Variants in RIPOR3 observed in about 807,000 individuals in gnomAD.
RIPOR3 encodes the protein family with sequence similarity 65 member C.
RIPOR3 carries 95 observed loss-of-function variants against 114.3 expected under a neutral mutation model. The ratio of observed to expected loss-of-function variants is 0.83; its 90% CI spans 0.70 to 0.99. The LOEUF is 0.99. Ranked by LOEUF, RIPOR3 falls within the 50% of genes least tolerant of loss-of-function variation. The pLI is 0.00. For synonymous variants in RIPOR3, 575 were observed against 543.8 expected, an observed-to-expected ratio of 1.06 and a Z score of -0.80; for missense variants, 1,252 against 1,266.9, an observed-to-expected ratio of 0.99 and a Z score of 0.18.
At chr20:50,647,972 T>A (rs1412818785) in intron 1 of RIPOR3, among the ~76,000 whole-genome samples, 1 of 152,026 alleles carries the variant, frequency 6.6e-6, no homozygotes, top group Admixed American at 6.6e-5. Flanking sequence ...TTTGTGCTGC[T>A]AAGGTTAAAA....
intron 1 of RIPOR3, among the ~76,000 whole-genome samples, chr20:50,675,939 C>A (rs972182899): frequency 6.6e-5 from 10 of 152,186 alleles, no homozygotes; most frequent in African/African-American, 2.4e-4. Flanking sequence ...CTTAAATATC[C>A]TCAGACAATC....
intron 2 of RIPOR3, among the ~76,000 whole-genome samples, chr20:50,623,900 G>A (rs902006056): frequency 2.0e-5 from 3 of 152,160 alleles, no homozygotes; most frequent in South Asian, 2.1e-4. Flanking sequence ...GCAGTGGCAC[G>A]ATCTCTGCTC....
In RIPOR3 at chr20:50,608,526, C is replaced by T. The variant is rs1431852363; in HGVS notation, c.819G>A (p.Glu273=). 6.2e-7 allele frequency: 1 copy of T among 1,613,850 alleles called. No individual in the cohort carries two copies. Among genetic ancestry groups the T allele is most frequent in the East Asian group, 2.2e-5 (1 of 44,880 alleles). The part of the protein sequence containing the change: ...LHENLDIKVT[E]LRGLGSLAVG... The stretch of plus-strand genomic sequence containing the variant: ...CAGCCAGCGAGCCCAGGCCCCGCAA[C>T]TCCGTCACCTGGGGGTGGGGGCTGG... The change falls in exon 11 of 22, where the codon GAG becomes GAA. Residue 273 remains glutamate (E), a synonymous_variant. Transcript: ENST00000327979.
At chr20:50,630,496 G>C (rs1424892912) in intron 2 of RIPOR3, among the ~76,000 whole-genome samples, 1 of 152,064 alleles carries the variant, frequency 6.6e-6, no homozygotes, top group Non-Finnish European at 1.5e-5. Flanking sequence ...AATGATAACT[G>C]TTCAGGTTTC....
rs947902265 is a variant in RIPOR3 at position 50,688,626 on chromosome 20, C to A, written c.3+2500G>T. ...ACACCTCTGTCTGGGGACAACATGG[C>A]AAAGAATATCACCGAACTGAGGAGG... is the stretch of plus-strand genomic sequence containing the variant. On this transcript the variant is annotated intron_variant, in intron 1 of 21. Coordinates refer to ENST00000327979, the MANE Select transcript of RIPOR3 (RefSeq NM_001290268.2). 5.3e-5 allele frequency among the ~76,000 whole-genome samples: 8 copies of A among 152,180 alleles called. No individual in the cohort carries two copies. The East Asian group carries it at 5.8e-4, about 11-fold the overall frequency.
intron 1 of RIPOR3, among the ~76,000 whole-genome samples, chr20:50,648,579 T>C (rs2085498163): frequency 6.6e-6 from 1 of 152,096 alleles, no homozygotes. Context: ...GTGCACTTTA[T>C]TTCTACTACT....
At position 50,602,559 on chromosome 20, in the gene RIPOR3, T is replaced by A; in HGVS notation, c.1172A>T (p.Asp391Val). ...GCTTCTTAGGCTGGGACCCCGGAGG[T>A]CGCTGTCAGACAGGTAGCTGAGGAT... ...TSILSYLSDS[D>V]LRGPSLRSQS... Residue 391 changes from aspartate (D) to valine (V), a missense_variant, in exon 13 of 22, where the codon GAC becomes GTC. By Grantham distance (152) the Asp-to-Val change is radical. Transcript: ENST00000327979. This position sits in a 1 kb window ranked among gnomAD's most constrained non-coding sequence, Gnocchi z 4.3. 3 of 1,541,556 alleles carry A rather than the reference T, an allele frequency of 1.9e-6. No homozygotes were observed. The South Asian group carries it at 3.7e-5, about 19-fold the overall frequency.
At chr20:50,617,858 G>A (rs1040663057) in intron 3 of RIPOR3, among the ~76,000 whole-genome samples, 6 of 151,802 alleles carry the variant, frequency 4.0e-5, no homozygotes, top group Non-Finnish European at 5.9e-5. Context: ...TCCTGAATTC[G>A]TGATCCGCCT....
chr20:50,587,977 T>TCCTA, intron 20 of RIPOR3, 85 bp from the exon 21 acceptor site: 1 of 1,286,438 alleles, frequency 7.8e-7, no homozygotes, highest in South Asian at 1.3e-5. Context: ...GCAGGGCCAG[T>TCCTA]CCTAGCATGG....
chr20:50,686,840 G>A (rs553412668), intron 1 of RIPOR3, among the ~76,000 whole-genome samples: 37 of 152,234 alleles, frequency 2.4e-4, no homozygotes, highest in Admixed American at 1.8e-3. Flanking sequence ...TTGTATTGCA[G>A]TTGCGTTTCT....
Position 50,684,242 on chromosome 20 carries a change from A to C in RIPOR3, c.3+6884T>G, listed in dbSNP as rs76851235. On this transcript the variant is annotated intron_variant, in intron 1 of 21. Coordinates refer to ENST00000327979, the MANE Select transcript of RIPOR3 (RefSeq NM_001290268.2). ...AAGACCAGGGAGTGAAGGAAGCTGT[A>C]ATTTTAAATGGAGAGTCAGGATGGC... Among the ~76,000 whole-genome samples, 115 of 152,312 alleles carry C rather than the reference A, an allele frequency of 7.6e-4. 1 individual carries two copies. In the East Asian group the frequency reaches 0.019, roughly 25 times the overall value.
intron 1 of RIPOR3, among the ~76,000 whole-genome samples, chr20:50,673,066 G>A (rs555856230): frequency 7.4e-4 from 112 of 152,328 alleles, no homozygotes; most frequent in African/African-American, 2.6e-3. Context: ...CTGCCCTGAG[G>A]CAGGTCCAGG....
At position 50,586,243 on chromosome 20, in the gene RIPOR3, A is replaced by G; in HGVS notation, c.*989T>C. 1 of 154,234 alleles carries G rather than the reference A, an allele frequency of 6.5e-6. No individual in the cohort carries two copies. Among genetic ancestry groups the G allele is most frequent in the East Asian group, 1.9e-4 (1 of 5,226 alleles). 9.6% of individuals were successfully genotyped at this position (154,234 alleles called of 1,614,324 possible). The stretch of plus-strand genomic sequence containing the variant: ...AAGTATCGATGAGAATGTTCAAGTT[A>G]AAGTTCTCCAATGCCATTGCTACAG... On this transcript the variant is annotated 3_prime_UTR_variant, in exon 22 of 22. Coordinates refer to ENST00000327979, the MANE Select transcript of RIPOR3 (RefSeq NM_001290268.2).
intron 1 of RIPOR3, among the ~76,000 whole-genome samples, chr20:50,649,758 G>A (rs1326319304): frequency 2.0e-5 from 3 of 152,204 alleles, no homozygotes; most frequent in East Asian, 1.9e-4. Flanking sequence ...ACAGGGAAGC[G>A]CTCCCTGAGG....
intron 13 of RIPOR3, 91 bp downstream of exon 13, chr20:50,601,981 C>G: frequency 7.8e-7 from 1 of 1,277,650 alleles, no homozygotes; most frequent in South Asian, 1.6e-5. Context: ...GCCAGGATGT[C>G]GGCCCAGGCT....
chr20:50,691,171 T>TG lies in RIPOR3; in HGVS notation c.-44dup, dbSNP rs1411706080. On this transcript the variant is annotated 5_prime_UTR_variant, in exon 1 of 22. Transcript: ENST00000327979. ...TCGAGTGCAGTCCCGCCGCCCTCCT[T>TG]GCAGCTGCCTCACTTTCCCTATTGC... The TG allele has an allele frequency of 3.1e-6, 4 of 1,289,268 alleles. No homozygotes were observed. The African/African-American group carries it at 6.1e-5, about 20-fold the overall frequency. The allele number at this position is 1,289,268 out of a possible 1,614,324, so 79.9% of individuals were successfully genotyped here. A position where few individuals can be genotyped will look rare whatever the true frequency, so the allele number is the denominator to read the frequency against.
chr20:50,655,929 A>G (rs1283586857), intron 1 of RIPOR3, among the ~76,000 whole-genome samples: 1 of 152,054 alleles, frequency 6.6e-6, no homozygotes, highest in Non-Finnish European at 1.5e-5. Context: ...TGGGAAAAAA[A>G]TACAAGTATG....
At chr20:50,632,224 A>G (rs941795844) in intron 1 of RIPOR3, among the ~76,000 whole-genome samples, 1 of 152,256 alleles carries the variant, frequency 6.6e-6, no homozygotes, top group Admixed American at 6.5e-5. Context: ...CTTGGCAACA[A>G]AGAAGGTGGA....
At chr20:50,627,849 A>G (rs1253733679) in intron 2 of RIPOR3, among the ~76,000 whole-genome samples, 2 of 152,204 alleles carry the variant, frequency 1.3e-5, no homozygotes, top group Non-Finnish European at 2.9e-5. Flanking sequence ...AGTACAGAGC[A>G]CAGGCTACAC....
Sources: allele counts gnomAD v4.1 joint callset (sites outside exome capture counted in the v4.1 genomes callset), GRCh38; gene constraint gnomAD v4.1.1; non-coding constraint Gnocchi (gnomAD v3.1); transcripts MANE v1.5; gene names NCBI Gene and HGNC (gene_info 2026-07-23, HGNC 2026-07-21).